PLA2G4C: variants seen among roughly 807,000 people sequenced by gnomAD.
PLA2G4C encodes the protein phospholipase A2 group IVC, also known as cytosolic phospholipase A2 gamma.
A neutral mutation model predicts 73.8 loss-of-function variants in PLA2G4C; 64 were observed. That is an observed-to-expected ratio of 0.87 (90% CI 0.71 to 1.07). PLA2G4C has a LOEUF of 1.07. PLA2G4C is among the 50% of genes least tolerant of loss of function. The pLI is 0.00. For missense variants in PLA2G4C, 622 were observed against 665.4 expected (o/e 0.93, Z 0.72); for synonymous variants, 254 against 252.1 (o/e 1.01, Z -0.07).
intron 11 of PLA2G4C, among the ~76,000 whole-genome samples, chr19:48,075,319 G>T (rs1157693121): frequency 2.0e-5 from 3 of 151,786 alleles, no homozygotes; most frequent in African/African-American, 7.3e-5. Context: ...GAGTATCTGG[G>T]ACTACAGGCA....
intron 7 of PLA2G4C, among the ~76,000 whole-genome samples, chr19:48,094,048 G>A (rs185588331): frequency 3.9e-4 from 60 of 152,210 alleles, no homozygotes; most frequent in East Asian, 3.7e-3. Context: ...ACCCAGTCTC[G>A]GGTAGTATCT....
intron 1 of PLA2G4C, 75 bp from the exon 2 acceptor site, chr19:48,106,636 C>T: frequency 8.7e-7 from 1 of 1,143,888 alleles, no homozygotes. Context: ...AGGGCTGGGA[C>T]TGTCACGGGC....
At chr19:48,063,717 A>T (rs1238376736) in intron 13 of PLA2G4C, 1 of 151,104 alleles carries the variant, frequency 6.6e-6, no homozygotes, top group Non-Finnish European at 1.5e-5. Flanking sequence ...AGGGTCAGAC[A>T]TGCCTCACGA....
Position 48,110,488 on chromosome 19 carries a change from T to A in PLA2G4C, c.-34A>T. 1 of 1,473,434 alleles carries A rather than the reference T, an allele frequency of 6.8e-7. No homozygotes were observed. The highest frequency in any genetic ancestry group is 1.3e-5 in the South Asian group (1 of 79,076). The allele number at this position is 1,473,434 out of a possible 1,614,324, so 91.3% of individuals were successfully genotyped here. On this transcript the variant is annotated splice_region_variant and 5_prime_UTR_variant, in exon 1 of 17. Coordinates refer to ENST00000599921, the MANE Select transcript of PLA2G4C (RefSeq NM_003706.3). ...GCCCTCCCTGCCCCCACGGCTTGCC[T>A]GAGCCTGGGTCTGGGGCGTGTGCGC...
chr19:48,050,655 G>A (rs1281013761), intron 16 of PLA2G4C, among the ~76,000 whole-genome samples: 1 of 134,582 alleles, frequency 7.4e-6, no homozygotes, highest in African/African-American at 2.6e-5. Context: ...CTAATCCCTA[G>A]AGCCTGTGAG....
At position 48,110,507 on chromosome 19, in the gene PLA2G4C, T is replaced by C; in HGVS notation, c.-53A>G. ...CTTGCCTGAGCCTGGGTCTGGGGCGTGTGCGCATGCGCGGTGGAGCTTGTG... is the reference window on the plus strand; with the variant it reads ...CTTGCCTGAGCCTGGGTCTGGGGCGCGTGCGCATGCGCGGTGGAGCTTGTG... On this transcript the variant is annotated 5_prime_UTR_variant, in exon 1 of 17. Transcript: ENST00000599921. 1.3e-6 allele frequency: 2 copies of C among 1,537,396 alleles called. No homozygotes were observed. The highest frequency in any genetic ancestry group is 1.4e-5 in the African/African-American group (1 of 72,930).
At chr19:48,058,447 C>T (rs1470392856) in intron 14 of PLA2G4C, among the ~76,000 whole-genome samples, 2 of 152,132 alleles carry the variant, frequency 1.3e-5, no homozygotes, top group Non-Finnish European at 2.9e-5. Context: ...CACTTTTCTA[C>T]ACATAAAACA....
At chr19:48,048,787 C>T (rs922792607) in intron 16 of PLA2G4C, among the ~76,000 whole-genome samples, 7 of 152,162 alleles carry the variant, frequency 4.6e-5, no homozygotes, top group Non-Finnish European at 8.8e-5. Flanking sequence ...TTCTGTTCCT[C>T]GAATAGACTG....
chr19:48,108,460 G>T (rs1043245331), intron 1 of PLA2G4C, among the ~76,000 whole-genome samples: 1 of 152,136 alleles, frequency 6.6e-6, no homozygotes, highest in African/African-American at 2.4e-5. Flanking sequence ...TGTGTTTCAC[G>T]ACAGTGATAT....
At chr19:48,051,465 C>A (rs1967722383) in intron 16 of PLA2G4C, among the ~76,000 whole-genome samples, 1 of 152,128 alleles carries the variant, frequency 6.6e-6, no homozygotes, top group East Asian at 1.9e-4. Context: ...TTTGCCATTA[C>A]TTTTAGTTGC....
intron 13 of PLA2G4C, among the ~76,000 whole-genome samples, chr19:48,065,142 G>A (rs141994217): frequency 3.9e-5 from 6 of 152,164 alleles, no homozygotes; most frequent in African/African-American, 1.4e-4. Flanking sequence ...GGTGGTTGGG[G>A]CACAGCCTAG....
chr19:48,084,692 A>G (rs2030869157), intron 10 of PLA2G4C, among the ~76,000 whole-genome samples: 1 of 152,214 alleles, frequency 6.6e-6, no homozygotes, highest in Admixed American at 6.6e-5. Context: ...GCCTTTATCT[A>G]CCAGACACTG....
chr19:48,091,812 C>A (rs562685602), intron 7 of PLA2G4C, among the ~76,000 whole-genome samples: 132 of 143,520 alleles, frequency 9.2e-4, no homozygotes, highest in Admixed American at 4.0e-3. Flanking sequence ...ATAACTTGAA[C>A]CTGGGAGGTT....
intron 14 of PLA2G4C, among the ~76,000 whole-genome samples, chr19:48,057,480 CTTCTTTTTT>C (rs1316075523): frequency 2.0e-3 from 56 of 28,074 alleles, no homozygotes; most frequent in East Asian, 7.6e-3. Flanking sequence ...TCTTCTTCTT[CTTCTTTTTT>C]TTTTTTTTTT....
intron 6 of PLA2G4C, chr19:48,096,691 G>C (rs1314185282): frequency 6.6e-6 from 1 of 152,240 alleles, no homozygotes; most frequent in East Asian, 1.9e-4. Flanking sequence ...TGTATCGTGA[G>C]AACTTACCAG....
intron 6 of PLA2G4C, 36 bp downstream of exon 6, chr19:48,098,103 C>T (rs1455967293): frequency 2.5e-6 from 4 of 1,608,676 alleles, no homozygotes; most frequent in Non-Finnish European, 2.5e-6. Flanking sequence ...TGTTCCATCC[C>T]TTACTACCTC....
At chr19:48,083,948 C>T (rs1430515000) in intron 10 of PLA2G4C, among the ~76,000 whole-genome samples, 1 of 151,920 alleles carries the variant, frequency 6.6e-6, no homozygotes, top group East Asian at 1.9e-4. Context: ...TTCCATGACC[C>T]GGTGGCTCTC....
At chr19:48,105,723 G>A (rs1267802336) in intron 2 of PLA2G4C, among the ~76,000 whole-genome samples, 1 of 151,206 alleles carries the variant, frequency 6.6e-6, no homozygotes, top group Non-Finnish European at 1.5e-5. Flanking sequence ...ACTTTGGGAG[G>A]GTGAGGTGGG....
intron 14 of PLA2G4C, among the ~76,000 whole-genome samples, chr19:48,058,009 AT>A (rs927559836): frequency 1.7e-4 from 23 of 136,752 alleles, no homozygotes; most frequent in Admixed American, 1.3e-3. Flanking sequence ...ATCAAAAAAA[AT>A]TTTTTTGGCC....
Sources: gnomAD v4.1 joint callset for allele counts (sites outside exome capture counted in the v4.1 genomes callset) on GRCh38, gnomAD v4.1.1 for gene constraint, MANE v1.5 for transcripts, NCBI Gene and HGNC (gene_info 2026-07-23, HGNC 2026-07-21) for gene names.